Variants in PACRG observed in about 807,000 individuals in gnomAD.
The protein encoded by PACRG is parkin coregulated.
PACRG carries 29 observed loss-of-function variants against 29.7 expected under a neutral mutation model. The ratio of observed to expected loss-of-function variants is 0.98; its 90% CI spans 0.73 to 1.33. The LOEUF (loss-of-function observed/expected upper bound fraction) is 1.33. PACRG is among the 40% of genes most tolerant of loss of function. PACRG has a pLI of 0.00. For synonymous variants in PACRG, 116 were observed against 118.7 expected, an observed-to-expected ratio of 0.98 and a Z score of 0.15; for missense variants, 279 against 316.2, an observed-to-expected ratio of 0.88 and a Z score of 0.89.
chr6:162,968,642 T>A (rs900291492), intron 2 of PACRG, among the ~76,000 whole-genome samples: 4 of 152,200 alleles, frequency 2.6e-5, no homozygotes. Flanking sequence ...AGGAACCATG[T>A]AGGTGGAAAA....
At chr6:163,311,436 T>A (rs1489728782) in intron 4 of PACRG, among the ~76,000 whole-genome samples, 1 of 152,260 alleles carries the variant, frequency 6.6e-6, no homozygotes, top group Non-Finnish European at 1.5e-5. Context: ...TTTAATGTCC[T>A]ATTCTCACAA....
At chr6:162,951,322 A>T (rs541646079) in intron 2 of PACRG, among the ~76,000 whole-genome samples, 1 of 152,374 alleles carries the variant, frequency 6.6e-6, no homozygotes, top group South Asian at 2.1e-4. Flanking sequence ...TGGTCAGCAC[A>T]GCTGAGCTAT....
intron 2 of PACRG, among the ~76,000 whole-genome samples, chr6:162,957,902 T>C (rs1300268514): frequency 6.6e-6 from 1 of 152,208 alleles, no homozygotes; most frequent in Non-Finnish European, 1.5e-5. Flanking sequence ...CCAGGTATGT[T>C]ACTTTGGGTG....
intron 4 of PACRG, chr6:163,095,446 C>G: frequency 2.0e-6 from 2 of 982,292 alleles, no homozygotes; most frequent in Non-Finnish European, 2.4e-6. Context: ...GTCTTAGCTT[C>G]CTGGAGCCAC....
At chr6:162,994,376 C>T (rs1373319365) in intron 2 of PACRG, among the ~76,000 whole-genome samples, 5 of 149,736 alleles carry the variant, frequency 3.3e-5, no homozygotes, top group African/African-American at 1.0e-4. Context: ...CTTTCAGGTA[C>T]ACCAATCAGA....
In PACRG at chr6:163,076,640, C is replaced by G. The variant is rs145708861; in HGVS notation, c.464-12619C>G. On this transcript the variant is annotated intron_variant, in intron 3 of 4. Coordinates refer to ENST00000366888, the MANE Select transcript of PACRG (RefSeq NM_001080379.2). ...TTATTTCTTACTATTTCCCTTCATT[C>G]ACCCTGTGCTCTAGCCAAACCGATT... 4.6e-3 allele frequency among the ~76,000 whole-genome samples: 707 copies of G among 152,344 alleles called. 5 individuals carry two copies. The highest frequency in any genetic ancestry group is 0.016 in the African/African-American group (668 of 41,582).
At chr6:162,948,682 T>A (rs1299676230) in intron 2 of PACRG, among the ~76,000 whole-genome samples, 1 of 151,798 alleles carries the variant, frequency 6.6e-6, no homozygotes, top group Non-Finnish European at 1.5e-5. Flanking sequence ...AACTCACAAG[T>A]CAACAGCAAA....
intron 4 of PACRG, among the ~76,000 whole-genome samples, chr6:163,112,258 A>G (rs1301284760): frequency 6.6e-6 from 1 of 152,226 alleles, no homozygotes; most frequent in African/African-American, 2.4e-5. Context: ...GGTTAATTTC[A>G]GTCATATAAG....
chr6:163,015,560 C>G (rs74628008), intron 2 of PACRG, among the ~76,000 whole-genome samples: 6,390 of 152,144 alleles, frequency 0.042, 469 homozygotes, highest in African/African-American at 0.15. Context: ...TTGTAGAGAT[C>G]TTGCACCTCC....
intron 3 of PACRG, among the ~76,000 whole-genome samples, chr6:163,082,572 T>C (rs1436675906): frequency 6.6e-6 from 1 of 152,178 alleles, no homozygotes; most frequent in African/African-American, 2.4e-5. Flanking sequence ...GCGCTTATCT[T>C]TTAGTGGAAC....
chr6:162,863,281 A>T (rs1466847835), intron 2 of PACRG, among the ~76,000 whole-genome samples: 1 of 152,214 alleles, frequency 6.6e-6, no homozygotes, highest in East Asian at 1.9e-4. Flanking sequence ...GGTTTCCCCC[A>T]TTTGTAAAAC....
intron 1 of PACRG, among the ~76,000 whole-genome samples, chr6:162,740,790 G>A (rs1780529881): frequency 6.6e-6 from 1 of 151,232 alleles, no homozygotes; most frequent in Admixed American, 6.6e-5. Flanking sequence ...AGTAGAAACG[G>A]GGGTTTCACC....
At chr6:163,077,868 T>C (rs1305784798) in intron 3 of PACRG, among the ~76,000 whole-genome samples, 1 of 152,050 alleles carries the variant, frequency 6.6e-6, no homozygotes, top group Non-Finnish European at 1.5e-5. Flanking sequence ...TCGCCCTGTA[T>C]GAACAGGGGA....
chr6:163,312,984 G>A (rs1443894145), intron 4 of PACRG: 2 of 235,676 alleles, frequency 8.5e-6, no homozygotes, highest in Non-Finnish European at 1.7e-5. Context: ...TCAAACTCCT[G>A]GTCTCAAGCC....
intron 4 of PACRG, chr6:163,184,770 A>T (rs148805809): frequency 6.6e-6 from 1 of 152,230 alleles, no homozygotes; most frequent in Non-Finnish European, 1.5e-5. Context: ...AGGCATTAAT[A>T]TAAAGAAACC....
At chr6:163,240,760 G>A (rs1161006383) in intron 4 of PACRG, among the ~76,000 whole-genome samples, 1 of 152,164 alleles carries the variant, frequency 6.6e-6, no homozygotes, top group Non-Finnish European at 1.5e-5. Flanking sequence ...CCCTCGGGGC[G>A]CTGCCCTGTG....
At chr6:162,866,317 G>A (rs544333792) in intron 2 of PACRG, among the ~76,000 whole-genome samples, 1 of 152,346 alleles carries the variant, frequency 6.6e-6, no homozygotes, top group African/African-American at 2.4e-5. Flanking sequence ...ATAGAGTCCT[G>A]TGCTTCCGGT....
chr6:163,244,219 AT>A (rs151258124), intron 4 of PACRG, among the ~76,000 whole-genome samples: 2 of 151,780 alleles, frequency 1.3e-5, no homozygotes, highest in Non-Finnish European at 2.9e-5. Flanking sequence ...CATTTAAATC[AT>A]TTTTTTTCCT....
intron 2 of PACRG, among the ~76,000 whole-genome samples, chr6:163,042,389 G>C (rs189243176): frequency 1.1e-4 from 16 of 152,278 alleles, no homozygotes; most frequent in African/African-American, 3.9e-4. Flanking sequence ...TGTGAGAAGA[G>C]AGACACCATT....
Sources: allele counts gnomAD v4.1 joint callset (sites outside exome capture counted in the v4.1 genomes callset), GRCh38; gene constraint gnomAD v4.1.1; transcripts MANE v1.5; gene names NCBI Gene and HGNC (gene_info 2026-07-23, HGNC 2026-07-21).